LRRC4C: variants seen among roughly 807,000 people sequenced by gnomAD.
LRRC4C encodes leucine-rich repeat-containing protein 4C.
A neutral mutation model predicts 33.6 loss-of-function variants in LRRC4C; 5 were observed. The ratio of observed to expected loss-of-function variants is 0.15; its 90% confidence interval spans 0.08 to 0.31. The LOEUF is 0.31. LRRC4C is among the 10% of genes least tolerant of loss of function. The probability of loss-of-function intolerance (pLI) is 1.00; values close to 1 mark genes in which losing one functional copy is unlikely to be tolerated. For synonymous variants in LRRC4C, 329 were observed against 302.0 expected (o/e 1.09, Z -0.93); for missense variants, 560 against 796.7 (o/e 0.70, Z 3.58).
intron 1 of LRRC4C, among the ~76,000 whole-genome samples, chr11:41,380,424 CT>C (rs1248889041): frequency 4.6e-5 from 7 of 151,984 alleles, no homozygotes; most frequent in South Asian, 2.1e-4. Flanking sequence ...TAGATAGAAA[CT>C]TTTTTTCATG....
At chr11:40,904,909 G>A (rs930069014) in intron 2 of LRRC4C, among the ~76,000 whole-genome samples, 7 of 152,268 alleles carry the variant, frequency 4.6e-5, no homozygotes, top group Middle Eastern at 3.4e-3. Flanking sequence ...GATGAAGCCA[G>A]CCAGTGAGAC....
intron 1 of LRRC4C, among the ~76,000 whole-genome samples, chr11:41,197,225 G>A (rs75535963): frequency 0.023 from 3,468 of 151,946 alleles, 50 homozygotes; most frequent in Non-Finnish European, 0.036. Context: ...CATTCTTCAC[G>A]GATACAAAAT....
intron 6 of LRRC4C, among the ~76,000 whole-genome samples, chr11:40,120,478 C>T (rs1008595299): frequency 1.3e-5 from 2 of 152,072 alleles, no homozygotes; most frequent in Admixed American, 6.5e-5. Flanking sequence ...TGTAGTTTTA[C>T]ATATGCCCTC....
At chr11:40,814,110 G>A (rs1426397282) in intron 2 of LRRC4C, among the ~76,000 whole-genome samples, 1 of 152,144 alleles carries the variant, frequency 6.6e-6, no homozygotes, top group Non-Finnish European at 1.5e-5. Flanking sequence ...CTGTGTGGGG[G>A]CTCCAACCCC....
intron 1 of LRRC4C, among the ~76,000 whole-genome samples, chr11:40,943,721 G>A (rs1312111546): frequency 2.6e-5 from 4 of 152,184 alleles, no homozygotes; most frequent in African/African-American, 4.8e-5. Context: ...TGTCGGGAGA[G>A]TCTTTGAAGT....
At chr11:40,503,574 T>C (rs981537731) in intron 3 of LRRC4C, among the ~76,000 whole-genome samples, 4 of 152,194 alleles carry the variant, frequency 2.6e-5, no homozygotes, top group African/African-American at 9.6e-5. Flanking sequence ...GCTTCAGTCT[T>C]TCAATCTATT....
chr11:41,032,508 G>C (rs1856788817), intron 1 of LRRC4C, among the ~76,000 whole-genome samples: 1 of 151,718 alleles, frequency 6.6e-6, no homozygotes, highest in Non-Finnish European at 1.5e-5. Flanking sequence ...GATAAAAATT[G>C]TTTTATAATT....
chr11:40,368,810 A>T (rs1308949274), intron 3 of LRRC4C, among the ~76,000 whole-genome samples: 6 of 152,146 alleles, frequency 3.9e-5, no homozygotes, highest in Non-Finnish European at 7.4e-5. Flanking sequence ...AGACAAACAG[A>T]CCAGATTTCA....
chr11:40,178,415 G>A (rs1224098474), intron 5 of LRRC4C, among the ~76,000 whole-genome samples: 1 of 152,204 alleles, frequency 6.6e-6, no homozygotes, highest in Non-Finnish European at 1.5e-5. Flanking sequence ...CCCAGTTAAT[G>A]TAGTGAAACT....
chr11:41,277,101 C>A (rs956576626), intron 1 of LRRC4C, among the ~76,000 whole-genome samples: 2 of 152,162 alleles, frequency 1.3e-5, no homozygotes, highest in African/African-American at 4.8e-5. Flanking sequence ...CAGCATCTTA[C>A]AAAAGGCTTT....
intron 1 of LRRC4C, among the ~76,000 whole-genome samples, chr11:41,316,280 C>A (rs145489149): frequency 0.21 from 17,438 of 83,350 alleles, 1,084 homozygotes; most frequent in East Asian, 0.42. Context: ...AAAAAAAAAA[C>A]AAAAAAAAAC....
chr11:40,514,797 T>C (rs1048442698), intron 3 of LRRC4C, among the ~76,000 whole-genome samples: 5 of 152,096 alleles, frequency 3.3e-5, no homozygotes, highest in Admixed American at 6.6e-5. Context: ...AATACAATCA[T>C]CTAAAAGTTT....
intron 1 of LRRC4C, among the ~76,000 whole-genome samples, chr11:41,302,958 T>C (rs1247370426): frequency 1.3e-5 from 2 of 152,202 alleles, no homozygotes; most frequent in Non-Finnish European, 2.9e-5. Flanking sequence ...TTCCAAGTCA[T>C]AACGGAGCCT....
At chr11:40,563,085 T>G (rs1957615956) in intron 3 of LRRC4C, among the ~76,000 whole-genome samples, 1 of 152,190 alleles carries the variant, frequency 6.6e-6, no homozygotes. Flanking sequence ...ATTCCATTTT[T>G]ATCTCAGCTT....
At position 41,314,590 on chromosome 11, in the gene LRRC4C, A is replaced by T. The variant is rs535808022; in HGVS notation, c.-496+144841T>A. 9.7e-4 allele frequency among the ~76,000 whole-genome samples: 148 copies of T among 152,276 alleles called. 1 individual carries two copies. The highest frequency in any genetic ancestry group is 3.5e-3 in the African/African-American group (145 of 41,556). On this transcript the variant is annotated intron_variant, in intron 1 of 6. Transcript: ENST00000528697. ...CACGTGTCCTCACTCATAGGTGGGA[A>T]TTGAACAATGAGATCACTTGGACAC...
chr11:40,448,408 A>AC (rs1258064963), intron 3 of LRRC4C, among the ~76,000 whole-genome samples: 4 of 147,470 alleles, frequency 2.7e-5, no homozygotes, highest in Non-Finnish European at 6.0e-5. Flanking sequence ...CTAGCTCCCC[A>AC]CCCCCCGACA....
At chr11:40,683,601 A>G (rs1343944117) in intron 2 of LRRC4C, among the ~76,000 whole-genome samples, 1 of 152,206 alleles carries the variant, frequency 6.6e-6, no homozygotes, top group Non-Finnish European at 1.5e-5. Context: ...CACAGAATGA[A>G]TCATATGTAC....
intron 1 of LRRC4C, among the ~76,000 whole-genome samples, chr11:41,133,483 C>CCCCCCCCCCCCCA (rs1943112936): frequency 3.4e-5 from 4 of 116,460 alleles, no homozygotes; most frequent in Admixed American, 9.6e-5. Flanking sequence ...TAATCCCCCC[C>CCCCCCCCCCCCCA]CCGCCCCCGC....
At chr11:40,228,653 T>G (rs1864981027) in intron 5 of LRRC4C, among the ~76,000 whole-genome samples, 1 of 152,234 alleles carries the variant, frequency 6.6e-6, no homozygotes, top group African/African-American at 2.4e-5. Flanking sequence ...CAATGATCCC[T>G]TGCTTGTGGA....
Sources: gnomAD v4.1 joint callset for allele counts (sites outside exome capture counted in the v4.1 genomes callset) on GRCh38, gnomAD v4.1.1 for gene constraint, MANE v1.5 for transcripts, NCBI Gene and HGNC (gene_info 2026-07-23, HGNC 2026-07-21) for gene names.